The following ABCG2 variants were observed in gnomAD, a reference collection of about 807,000 sequenced individuals.
The protein encoded by ABCG2 is ATP binding cassette subfamily G member 2 (JR blood group).
ABCG2 carries 80 observed loss-of-function variants against 73.5 expected under a neutral mutation model. The ratio of observed to expected loss-of-function variants is 1.09; its 90% CI spans 0.91 to 1.31. The LOEUF is 1.31. ABCG2 is among the 50% of genes most tolerant of loss of function. ABCG2 has a pLI of 0.00. For missense variants in ABCG2, 796 were observed against 786.2 expected (o/e 1.01, Z -0.15); for synonymous variants, 269 against 282.4 (o/e 0.95, Z 0.48).
chr4:88,151,994 T>C (rs992699092), intron 1 of ABCG2, among the ~76,000 whole-genome samples: 35 of 152,208 alleles, frequency 2.3e-4, no homozygotes, highest in African/African-American at 8.4e-4. Context: ...TACTTCTTCA[T>C]TGCTAGTATG....
chr4:88,202,651 C>T (rs775193327), intron 1 of ABCG2, among the ~76,000 whole-genome samples: 21 of 151,918 alleles, frequency 1.4e-4, no homozygotes, highest in Admixed American at 5.3e-4. Flanking sequence ...CTTCCCATGG[C>T]TCCACCCCGT....
intron 1 of ABCG2, among the ~76,000 whole-genome samples, chr4:88,169,392 C>T (rs1029351526): frequency 2.6e-5 from 4 of 152,064 alleles, no homozygotes; most frequent in African/African-American, 7.2e-5. Flanking sequence ...TGAATATTAT[C>T]GGCATGAAAT....
chr4:88,113,260 A>G, intron 9 of ABCG2, 43 bp downstream of exon 9: 1 of 1,596,230 alleles, frequency 6.3e-7, no homozygotes, highest in Non-Finnish European at 8.5e-7. Context: ...TAACAGAACC[A>G]CATTGTTCCC....
chr4:88,151,193 T>C (rs1250406260), intron 1 of ABCG2, among the ~76,000 whole-genome samples: 7 of 152,294 alleles, frequency 4.6e-5, no homozygotes, highest in South Asian at 2.1e-4. Flanking sequence ...CTTTGCAAGG[T>C]TGACTCCACC....
chr4:88,205,623 C>T (rs936097119), intron 1 of ABCG2, among the ~76,000 whole-genome samples: 2 of 152,158 alleles, frequency 1.3e-5, no homozygotes, highest in Non-Finnish European at 2.9e-5. Context: ...ATCTGTCTCT[C>T]TCCATAACCT....
At chr4:88,219,576 A>ATTTTTTTTTTTTT (rs5860122) in intron 1 of ABCG2, among the ~76,000 whole-genome samples, 1 of 90,898 alleles carries the variant, frequency 1.1e-5, no homozygotes, top group African/African-American at 4.3e-5. Context: ...TACCATTCAA[A>ATTTTTTTTTTTTT]TTTTTTTTTT....
chr4:88,214,548 G>T (rs1729734382), intron 1 of ABCG2, among the ~76,000 whole-genome samples: 1 of 152,096 alleles, frequency 6.6e-6, no homozygotes, highest in South Asian at 2.1e-4. Flanking sequence ...TTCTCTAGGA[G>T]AAGACAGAAT....
At chr4:88,221,539 T>C (rs894717588) in intron 1 of ABCG2, among the ~76,000 whole-genome samples, 1 of 152,148 alleles carries the variant, frequency 6.6e-6, no homozygotes, top group Non-Finnish European at 1.5e-5. Flanking sequence ...GTGGGAAAGT[T>C]TGGAACTTCC....
intron 2 of ABCG2, 81 bp downstream of exon 2, chr4:88,139,712 G>C: frequency 8.1e-7 from 1 of 1,238,912 alleles, no homozygotes; most frequent in East Asian, 2.5e-5. Flanking sequence ...TTCATAGCCA[G>C]TTTCTTGGAA....
chr4:88,142,486 A>T (rs920633088), intron 1 of ABCG2, among the ~76,000 whole-genome samples: 1 of 152,190 alleles, frequency 6.6e-6, no homozygotes, highest in Non-Finnish European at 1.5e-5. Context: ...ACTGACACCC[A>T]GCAAATTCAA....
rs114916387 is a variant in ABCG2, at chr4:88,152,137, T to C, written c.-20+6249A>G. On this transcript the variant is annotated intron_variant, in intron 1 of 15. Coordinates refer to ENST00000237612, the MANE Select transcript of ABCG2 (RefSeq NM_004827.3). ...ATCCTGGTTTCTTACCAGAGCCTAA[T>C]AGATAGAAGCTCACATATGCATTAT... is the stretch of plus-strand genomic sequence containing the variant. Among the ~76,000 whole-genome samples the C allele has an allele frequency of 9.6e-3, 1,469 of 152,268 alleles. 17 individuals are homozygous for C. Among genetic ancestry groups the C allele is most frequent in the African/African-American group, 0.032 (1,349 of 41,556 alleles).
intron 1 of ABCG2, among the ~76,000 whole-genome samples, chr4:88,220,130 C>A (rs976940233): frequency 6.6e-6 from 1 of 152,172 alleles, no homozygotes; most frequent in Non-Finnish European, 1.5e-5. Flanking sequence ...CTTCAAGGTT[C>A]ATTCATGCTG....
intron 1 of ABCG2, among the ~76,000 whole-genome samples, chr4:88,187,051 G>A (rs543764191): frequency 2.0e-4 from 27 of 134,268 alleles, no homozygotes; most frequent in East Asian, 9.1e-4. Flanking sequence ...CTGAGACTGC[G>A]CCACTGCACT....
intron 1 of ABCG2, among the ~76,000 whole-genome samples, chr4:88,173,063 A>G (rs755929293): frequency 6.6e-6 from 1 of 152,180 alleles, no homozygotes; most frequent in Non-Finnish European, 1.5e-5. Flanking sequence ...ATTTTTCATT[A>G]TTATGTAGGT....
intron 8 of ABCG2, 35 bp downstream of exon 8, chr4:88,114,922 A>T: frequency 1.4e-6 from 2 of 1,473,522 alleles, no homozygotes; most frequent in Non-Finnish European, 1.9e-6. Context: ...CAATTCAATT[A>T]GGCAAAAATC....
chr4:88,204,576 TACTC>T (rs776427159), intron 1 of ABCG2, among the ~76,000 whole-genome samples: 6 of 152,218 alleles, frequency 3.9e-5, no homozygotes, highest in Non-Finnish European at 7.3e-5. Context: ...AGGCATAAAA[TACTC>T]ACTCACAGTT....
intron 1 of ABCG2, among the ~76,000 whole-genome samples, chr4:88,167,916 C>T (rs1181537295): frequency 6.6e-6 from 1 of 152,034 alleles, no homozygotes; most frequent in Admixed American, 6.5e-5. Context: ...AGCACAGAAG[C>T]TAGGGTGATG....
chr4:88,134,949 T>G (rs147788974), intron 2 of ABCG2, among the ~76,000 whole-genome samples: 1 of 152,326 alleles, frequency 6.6e-6, no homozygotes, highest in East Asian at 1.9e-4. Context: ...TTGTGGAGTT[T>G]ACATTCTAGT....
At chr4:88,104,845 A>T (rs1422191887) in intron 10 of ABCG2, among the ~76,000 whole-genome samples, 1 of 152,182 alleles carries the variant, frequency 6.6e-6, no homozygotes, top group Non-Finnish European at 1.5e-5. Flanking sequence ...ACATCTGAAG[A>T]AACACCTAAA....
Sources: allele counts gnomAD v4.1 joint callset (sites outside exome capture counted in the v4.1 genomes callset), GRCh38; gene constraint gnomAD v4.1.1; transcripts MANE v1.5; gene names NCBI Gene and HGNC (gene_info 2026-07-23, HGNC 2026-07-21).